The following CDC73 variants were observed in gnomAD, a reference collection of about 807,000 sequenced individuals.
The protein encoded by CDC73 is parafibromin.
Under a neutral mutation model 83.7 loss-of-function variants are expected in CDC73, and 21 were observed. The ratio of observed to expected loss-of-function variants is 0.25; its 90% CI spans 0.18 to 0.36. CDC73 has a LOEUF of 0.36. Among genes scored for constraint, CDC73 ranks in the 10% least tolerant of loss-of-function variants. The probability of loss-of-function intolerance (pLI) is 1.00; values close to 1 mark genes in which losing one functional copy is unlikely to be tolerated. For synonymous variants in CDC73, 224 were observed against 212.9 expected (o/e 1.05, Z -0.45); for missense variants, 342 against 653.3 (o/e 0.52, Z 5.19).
At chr1:193,236,214 C>T (rs148700111) in intron 14 of CDC73, 42 bp from the exon 15 acceptor site, 310 of 1,155,682 alleles carry the variant, frequency 2.7e-4, no homozygotes, top group African/African-American at 1.4e-3. Flanking sequence ...AAATAATCTC[C>T]GTCTGTCCCC....
intron 10 of CDC73, among the ~76,000 whole-genome samples, chr1:193,195,210 T>C (rs1676981950): frequency 6.6e-6 from 1 of 152,136 alleles, no homozygotes; most frequent in South Asian, 2.1e-4. Flanking sequence ...TCAATCTTCC[T>C]ATTCAAACAT....
At chr1:193,184,647 G>A (rs867139493) in intron 10 of CDC73, among the ~76,000 whole-genome samples, 13 of 151,798 alleles carry the variant, frequency 8.6e-5, no homozygotes, top group Non-Finnish European at 1.3e-4. Context: ...TTACACTTTT[G>A]TTTTGAGATG....
rs1056056361 is a variant in CDC73 at position 193,253,131 on chromosome 1, A to G, written c.*2419A>G. Reference sequence around the variant, plus strand: ...ACATTCTTCTCAGTCAAGGAACAGTAAGAAATATGTAGGTTTCAATCAGTT... The same window carrying G: ...ACATTCTTCTCAGTCAAGGAACAGTGAGAAATATGTAGGTTTCAATCAGTT... On this transcript the variant is annotated 3_prime_UTR_variant, in exon 17 of 17. Coordinates refer to ENST00000367435, the MANE Select transcript of CDC73 (RefSeq NM_024529.5). The G allele has an allele frequency of 8.6e-6, 2 of 232,352 alleles. No homozygotes were observed. Among genetic ancestry groups the G allele is most frequent in the Non-Finnish European group, 1.7e-5 (2 of 117,512 alleles). 14.4% of individuals were successfully genotyped at this position (232,352 alleles called of 1,614,324 possible).
chr1:193,228,470 A>G (rs559185438), intron 13 of CDC73, among the ~76,000 whole-genome samples: 3 of 152,226 alleles, frequency 2.0e-5, no homozygotes, highest in Non-Finnish European at 4.4e-5. Flanking sequence ...CACACAATGT[A>G]CTAACGATGT....
intron 13 of CDC73, among the ~76,000 whole-genome samples, chr1:193,222,756 C>CTTTTTTTTTTTTTTTTTTTTTT (rs59773568): frequency 8.5e-6 from 1 of 117,196 alleles, no homozygotes; most frequent in Non-Finnish European, 1.7e-5. Flanking sequence ...ATGAAATAAG[C>CTTTTTTTTTTTTTTTTTTTTTT]TTTTTTTTTT....
chr1:193,203,971 C>T, intron 11 of CDC73, 119 bp downstream of exon 11: 1 of 813,182 alleles, frequency 1.2e-6, no homozygotes. Flanking sequence ...ATTGCAAAGT[C>T]ATGTTTCTTT....
intron 15 of CDC73, among the ~76,000 whole-genome samples, chr1:193,243,794 T>C (rs1001667397): frequency 6.6e-6 from 1 of 152,310 alleles, no homozygotes; most frequent in East Asian, 1.9e-4. Flanking sequence ...AATTTATGTC[T>C]GATGAAGAGA....
In CDC73 at chr1:193,204,215, ATGTATATATATG is replaced by A. The variant is rs771872210; in HGVS notation, c.1030+365_1030+376del. On this transcript the variant is annotated intron_variant, in intron 11 of 16. Transcript: ENST00000367435. ...CACACATATATATACGTGTATATAT[ATGTATATATATG>A]TATATATACACGTATATATATGTGT... is the stretch of plus-strand genomic sequence containing the variant. Among the ~76,000 whole-genome samples the A allele has an allele frequency of 9.0e-3, 1,296 of 143,618 alleles. 17 individuals carry two copies. Among genetic ancestry groups the A allele is most frequent in the South Asian group, 0.03 (135 of 4,508 alleles). The allele number at this position is 143,618 out of a possible 152,430, so 94.2% of individuals were successfully genotyped here. A position where few individuals can be genotyped will look rare whatever the true frequency, so the allele number is the denominator to read the frequency against.
At chr1:193,203,690 A>G (rs1300827410) in intron 10 of CDC73, 105 bp from the exon 11 acceptor site, 2 of 961,062 alleles carry the variant, frequency 2.1e-6, no homozygotes, top group Non-Finnish European at 3.3e-6. Flanking sequence ...TGAGTGAGAA[A>G]AACAGAACAA....
In CDC73 at chr1:193,249,879, C is replaced by T. The variant is rs751279026; in HGVS notation, c.1559+8C>T. The T allele has an allele frequency of 1.4e-5, 22 of 1,611,282 alleles. No individual in the cohort carries two copies. Among genetic ancestry groups the T allele is most frequent in the Admixed American group, 6.7e-5 (4 of 59,896 alleles). ...TTGGGAAACATTGGACAGGTAATTC[C>T]GATTCTAAAATATGCTTGTGTGTGT... On this transcript the variant is annotated splice_region_variant and intron_variant, in intron 16 of 16. Coordinates refer to ENST00000367435, the MANE Select transcript of CDC73 (RefSeq NM_024529.5).
intron 11 of CDC73, among the ~76,000 whole-genome samples, chr1:193,211,254 T>C (rs1429043083): frequency 1.3e-5 from 2 of 152,208 alleles, no homozygotes; most frequent in Non-Finnish European, 2.9e-5. Flanking sequence ...ATAAATTTAA[T>C]GCCTTTTCCA....
intron 13 of CDC73, among the ~76,000 whole-genome samples, chr1:193,226,143 GCCAATTATC>G (rs1197106505): frequency 1.3e-5 from 2 of 152,102 alleles, no homozygotes; most frequent in African/African-American, 2.4e-5. Context: ...CATGTGACTT[GCCAATTATC>G]CCAGCACCAT....
chr1:193,184,479 A>C (rs1466598415), intron 10 of CDC73, among the ~76,000 whole-genome samples: 1 of 151,826 alleles, frequency 6.6e-6, no homozygotes, highest in Admixed American at 6.6e-5. Flanking sequence ...TTCTTTTTTG[A>C]TATCTTCACA....
chr1:193,154,776 A>G (rs1676178853), intron 10 of CDC73, among the ~76,000 whole-genome samples: 1 of 152,154 alleles, frequency 6.6e-6, no homozygotes, highest in Admixed American at 6.5e-5. Context: ...TTTCAATTTA[A>G]TATTTTTTTC....
At chr1:193,195,131 T>G (rs1274217758) in intron 10 of CDC73, among the ~76,000 whole-genome samples, 3 of 152,110 alleles carry the variant, frequency 2.0e-5, no homozygotes, top group Non-Finnish European at 4.4e-5. Context: ...ACTCTGCCCT[T>G]TTGTAATATT....
At chr1:193,162,736 T>A (rs1349714658) in intron 10 of CDC73, among the ~76,000 whole-genome samples, 2 of 152,180 alleles carry the variant, frequency 1.3e-5, no homozygotes, top group African/African-American at 4.8e-5. Flanking sequence ...CAGTGAATTC[T>A]GGACATTATC....
At chr1:193,164,210 A>G (rs1572169753) in intron 10 of CDC73, among the ~76,000 whole-genome samples, 2 of 152,206 alleles carry the variant, frequency 1.3e-5, no homozygotes, top group East Asian at 3.9e-4. Flanking sequence ...TGACTGAATA[A>G]TTTCAGTCAA....
rs1403557989 is a variant in CDC73, at chr1:193,253,506, A to G, written c.*2794A>G. 3 of 232,186 alleles carry G rather than the reference A, an allele frequency of 1.3e-5. No homozygotes were observed. Among genetic ancestry groups the G allele is most frequent in the Non-Finnish European group, 2.6e-5 (3 of 117,522 alleles). The allele number at this position is 232,186 out of a possible 1,614,324, so 14.4% of individuals were successfully genotyped here. ...TTCCCATTGACAAATGCAATTTTTA[A>G]TTATTTATTTAATATAGGAGTATTT... On this transcript the variant is annotated 3_prime_UTR_variant, in exon 17 of 17. Coordinates refer to ENST00000367435, the MANE Select transcript of CDC73 (RefSeq NM_024529.5).
intron 10 of CDC73, among the ~76,000 whole-genome samples, chr1:193,188,055 A>G (rs1558304265): frequency 5.3e-5 from 8 of 152,186 alleles, no homozygotes; most frequent in Admixed American, 5.2e-4. Flanking sequence ...AGAAGTACAG[A>G]TGTGTTTTTG....
Sources: allele counts gnomAD v4.1 joint callset (sites outside exome capture counted in the v4.1 genomes callset), GRCh38; gene constraint gnomAD v4.1.1; transcripts MANE v1.5; gene names NCBI Gene and HGNC (gene_info 2026-07-23, HGNC 2026-07-21).